Variants in SUGCT observed in about 807,000 individuals in gnomAD.
SUGCT encodes succinyl-CoA:glutarate-CoA transferase, also known as succinyl-CoA:glutarate CoA-transferase.
In SUGCT, 41 loss-of-function variants were observed where a neutral mutation model predicts 55.0. That is an observed-to-expected ratio of 0.74 (90% CI 0.58 to 0.97). The LOEUF (loss-of-function observed/expected upper bound fraction) is 0.97. Among genes scored for constraint, SUGCT ranks in the 50% least tolerant of loss-of-function variants. The pLI is 0.00. For synonymous variants in SUGCT, 187 were observed against 200.4 expected (o/e 0.93, Z 0.56); for missense variants, 568 against 547.8 (o/e 1.04, Z -0.37).
chr7:40,353,290 A>G (rs1051580901), intron 9 of SUGCT, among the ~76,000 whole-genome samples: 6 of 152,124 alleles, frequency 3.9e-5, no homozygotes, highest in African/African-American at 1.4e-4. Flanking sequence ...TAAATACGCA[A>G]AGGGTACTCA....
At chr7:40,205,184 G>T (rs905839964) in intron 6 of SUGCT, among the ~76,000 whole-genome samples, 1 of 151,524 alleles carries the variant, frequency 6.6e-6, no homozygotes, top group African/African-American at 2.4e-5. Flanking sequence ...GAACCCAGGA[G>T]GTGGAGGTTG....
the SUGCT span, among the ~76,000 whole-genome samples, chr7:40,920,501 C>G: frequency 1.3e-5 from 2 of 152,162 alleles, no homozygotes; most frequent in African/African-American, 4.8e-5. Flanking sequence ...AAATGCACCC[C>G]CAACTCAGCC....
intron 1 of SUGCT, among the ~76,000 whole-genome samples, chr7:40,150,515 A>G (rs2150604144): frequency 6.6e-6 from 1 of 152,256 alleles, no homozygotes; most frequent in Admixed American, 6.5e-5. Flanking sequence ...CTAAAAATAC[A>G]AAAAACAATA....
chr7:40,344,560 A>T (rs563078788), intron 9 of SUGCT, among the ~76,000 whole-genome samples: 31 of 152,350 alleles, frequency 2.0e-4, no homozygotes, highest in African/African-American at 7.5e-4. Flanking sequence ...TCACTTGATT[A>T]TATATTGTCT....
At chr7:40,217,640 C>T (rs187867415) in intron 6 of SUGCT, 85 of 203,830 alleles carry the variant, frequency 4.2e-4, no homozygotes, top group African/African-American at 1.9e-3. Context: ...ACTGGTAACT[C>T]GGAATCTCTG....
rs895589730 is a variant in SUGCT, at chr7:40,383,546, G to A, written c.817-65741G>A. On this transcript the variant is annotated intron_variant, in intron 9 of 13. Transcript: ENST00000335693. ...TGAAAGATGAGGAGGTAAATGATAT[G>A]TGGCATTTGCTTTCAGAGAACTTCC... Among the ~76,000 whole-genome samples, 11 of 152,308 alleles carry A rather than the reference G, an allele frequency of 7.2e-5. No individual in the cohort carries two copies. In the East Asian group the frequency reaches 1.5e-3, roughly 21 times the overall value.
chr7:40,369,145 G>GT (rs1452222349), intron 9 of SUGCT, among the ~76,000 whole-genome samples: 1 of 151,694 alleles, frequency 6.6e-6, no homozygotes, highest in East Asian at 1.9e-4. Context: ...GGGATTGAGT[G>GT]TTTTTTTAAT....
intron 12 of SUGCT, among the ~76,000 whole-genome samples, chr7:40,714,269 A>G (rs1785893879): frequency 6.6e-6 from 1 of 152,152 alleles, no homozygotes; most frequent in African/African-American, 2.4e-5. Context: ...GGCGGGTTGC[A>G]TTTAGCAGAG....
At chr7:40,884,500 A>G in the SUGCT span, among the ~76,000 whole-genome samples, 99 of 152,008 alleles carry the variant, frequency 6.5e-4, no homozygotes, top group African/African-American at 2.1e-3. Flanking sequence ...GAGGCTGGAG[A>G]TGCTCCTTGC....
intron 12 of SUGCT, among the ~76,000 whole-genome samples, chr7:40,704,902 G>A (rs1291952423): frequency 6.6e-6 from 1 of 152,128 alleles, no homozygotes; most frequent in Non-Finnish European, 1.5e-5. Flanking sequence ...ATGAAGTAGT[G>A]GAGTCATGGT....
chr7:40,237,737 T>G lies in SUGCT; in HGVS notation c.576+11T>G. On this transcript the variant is annotated intron_variant, in intron 7 of 13. Coordinates refer to ENST00000335693, the MANE Select transcript of SUGCT (RefSeq NM_001193313.2). ...ATCACAGGGCCTGAGGTAGGTATCC[T>G]TCCTTAGAATATTCATAATTTCTTC... 1 of 1,605,240 alleles carries G rather than the reference T, an allele frequency of 6.2e-7. No individual in the cohort carries two copies.
chr7:40,910,360 A>T, the SUGCT span, among the ~76,000 whole-genome samples: 1 of 152,286 alleles, frequency 6.6e-6, no homozygotes, highest in East Asian at 1.9e-4. Flanking sequence ...AGCAAGAATT[A>T]TAAACTTAGG....
At chr7:40,906,141 T>G in the SUGCT span, among the ~76,000 whole-genome samples, 7 of 152,252 alleles carry the variant, frequency 4.6e-5, no homozygotes, top group East Asian at 1.9e-4. Flanking sequence ...TTTTGTTTTT[T>G]TTTTTGCATC....
At chr7:40,920,667 A>T in the SUGCT span, among the ~76,000 whole-genome samples, 1 of 152,204 alleles carries the variant, frequency 6.6e-6, no homozygotes, top group East Asian at 1.9e-4. Flanking sequence ...CAGGAAAATC[A>T]TCCTCCCAAA....
At chr7:40,903,032 CTTTTCT>C in the SUGCT span, among the ~76,000 whole-genome samples, 267 of 141,046 alleles carry the variant, frequency 1.9e-3, 1 homozygote, top group African/African-American at 7.7e-3. Flanking sequence ...CTTTTCTTTT[CTTTTCT>C]TTTTTTTTTT....
chr7:40,272,185 T>TAC (rs1792102375), intron 7 of SUGCT, among the ~76,000 whole-genome samples: 1 of 63,406 alleles, frequency 1.6e-5, no homozygotes, highest in Non-Finnish European at 3.1e-5. Context: ...TATATATATA[T>TAC]ATATATATAC....
At chr7:40,458,271 C>T (rs1789594638) in intron 10 of SUGCT, among the ~76,000 whole-genome samples, 2 of 152,156 alleles carry the variant, frequency 1.3e-5, no homozygotes, top group Admixed American at 6.5e-5. Flanking sequence ...TGTGACTTTC[C>T]AATACAACTG....
chr7:40,527,000 C>CT (rs1467748123), intron 12 of SUGCT, among the ~76,000 whole-genome samples: 5 of 152,102 alleles, frequency 3.3e-5, no homozygotes, highest in East Asian at 1.9e-4. Context: ...TTCTTTCTTA[C>CT]TTTTTTTTCA....
intron 12 of SUGCT, among the ~76,000 whole-genome samples, chr7:40,621,624 C>A (rs1175202989): frequency 6.6e-6 from 1 of 152,034 alleles, no homozygotes; most frequent in Non-Finnish European, 1.5e-5. Context: ...TGGAGAAATC[C>A]GGTGATAAAA....
Sources: allele counts gnomAD v4.1 joint callset (sites outside exome capture counted in the v4.1 genomes callset), GRCh38; gene constraint gnomAD v4.1.1; transcripts MANE v1.5; gene names NCBI Gene and HGNC (gene_info 2026-07-23, HGNC 2026-07-21).